SORCS1: variants seen among roughly 807,000 people sequenced by gnomAD.
SORCS1 encodes the protein VPS10 domain-containing receptor SorCS1.
SORCS1 carries 60 observed loss-of-function variants against 146.1 expected under a neutral mutation model. The ratio of observed to expected loss-of-function variants is 0.41; its 90% CI spans 0.33 to 0.51. SORCS1 has a LOEUF of 0.51. Among genes scored for constraint, SORCS1 ranks in the 20% least tolerant of loss-of-function variants. The pLI is 0.21. For missense variants in SORCS1, 1,352 were observed against 1,487.6 expected (o/e 0.91, Z 1.50); for synonymous variants, 637 against 584.0 (o/e 1.09, Z -1.31).
At chr10:107,168,938 A>C (rs182501356), upstream of SORCS1, among the ~76,000 whole-genome samples, 1 of 152,300 alleles carries the variant, frequency 6.6e-6, no homozygotes, top group African/African-American at 2.4e-5. Context: ...AATGCTGAGC[A>C]AGCAATTTTG....
At chr10:107,180,614 T>C in the SORCS1 span, among the ~76,000 whole-genome samples, 1 of 152,208 alleles carries the variant, frequency 6.6e-6, no homozygotes, top group Non-Finnish European at 1.5e-5. Flanking sequence ...ATTTTCTGTT[T>C]TCAACTTCAT....
At chr10:107,032,173 TAAATA>T (rs1348968545) in intron 1 of SORCS1, among the ~76,000 whole-genome samples, 1 of 152,046 alleles carries the variant, frequency 6.6e-6, no homozygotes, top group Non-Finnish European at 1.5e-5. Flanking sequence ...TATATATAAA[TAAATA>T]AAAGACACGT....
At chr10:106,833,779 T>A (rs935448364) in intron 2 of SORCS1, among the ~76,000 whole-genome samples, 16 of 131,918 alleles carry the variant, frequency 1.2e-4, no homozygotes, top group African/African-American at 4.7e-4. Context: ...AATTTCTTTC[T>A]TTTGTTATTA....
chr10:107,036,974 G>A (rs550746012), intron 1 of SORCS1, among the ~76,000 whole-genome samples: 55 of 152,204 alleles, frequency 3.6e-4, no homozygotes, highest in Non-Finnish European at 6.8e-4. Flanking sequence ...GGCTGGGCGC[G>A]GTGGCTCATG....
At chr10:106,865,801 G>A (rs1384629847) in intron 2 of SORCS1, among the ~76,000 whole-genome samples, 2 of 151,888 alleles carry the variant, frequency 1.3e-5, no homozygotes, top group Admixed American at 6.6e-5. Context: ...GGGAGGCCCA[G>A]GCAGGCAGAT....
chr10:107,172,793 C>G, the SORCS1 span, among the ~76,000 whole-genome samples: 1 of 152,162 alleles, frequency 6.6e-6, no homozygotes. Flanking sequence ...TAAGAGAAAA[C>G]TTGAATCAAT....
chr10:106,948,035 T>A (rs1954448993), intron 2 of SORCS1, among the ~76,000 whole-genome samples: 1 of 152,214 alleles, frequency 6.6e-6, no homozygotes. Context: ...GCCCATTTTT[T>A]TCAATGCATT....
At chr10:106,991,219 C>T (rs1276213882) in intron 1 of SORCS1, among the ~76,000 whole-genome samples, 1 of 152,218 alleles carries the variant, frequency 6.6e-6, no homozygotes, top group Non-Finnish European at 1.5e-5. Flanking sequence ...ACACCAGTGC[C>T]TATTCAGCAC....
intron 23 of SORCS1, among the ~76,000 whole-genome samples, chr10:106,604,951 A>C (rs147526259): frequency 6.6e-6 from 1 of 152,350 alleles, no homozygotes; most frequent in Non-Finnish European, 1.5e-5. Flanking sequence ...TCAATTATTC[A>C]ACTTTTCTTG....
chr10:107,023,781 T>C (rs997001638), intron 1 of SORCS1, among the ~76,000 whole-genome samples: 3 of 152,130 alleles, frequency 2.0e-5, no homozygotes, highest in Non-Finnish European at 4.4e-5. Context: ...AGAGAAACTA[T>C]TATAATTCTT....
intron 2 of SORCS1, among the ~76,000 whole-genome samples, chr10:106,925,196 T>G (rs1044766475): frequency 5.4e-5 from 8 of 146,810 alleles, no homozygotes; most frequent in Non-Finnish European, 1.1e-4. Context: ...CTATTGTTTG[T>G]TTTTTTTTTG....
chr10:107,066,752 G>C (rs1961902525), intron 1 of SORCS1, among the ~76,000 whole-genome samples: 1 of 152,160 alleles, frequency 6.6e-6, no homozygotes, highest in South Asian at 2.1e-4. Context: ...AAGATTGAGA[G>C]CTATAAAAGG....
chr10:106,824,725 G>C lies in SORCS1; in HGVS notation c.726+4849C>G, dbSNP rs550280215. 9.9e-5 allele frequency among the ~76,000 whole-genome samples: 15 copies of C among 152,210 alleles called. No individual in the cohort carries two copies. In the South Asian group the frequency reaches 2.7e-3, roughly 27 times the overall value. ...TATTTAGAAAGTGCCACATATAATA[G>C]GGTAATTAAAACTTAAACATCTGGA... On this transcript the variant is annotated intron_variant, in intron 3 of 25. Coordinates refer to ENST00000263054, the MANE Select transcript of SORCS1 (RefSeq NM_052918.5).
chr10:106,639,521 A>G (rs558617165), intron 18 of SORCS1, among the ~76,000 whole-genome samples: 34 of 152,316 alleles, frequency 2.2e-4, no homozygotes, highest in Non-Finnish European at 3.7e-4. Flanking sequence ...GTTGCTAACC[A>G]ATCCAACTTG....
chr10:106,967,926 CG>C (rs1222307655), intron 1 of SORCS1, among the ~76,000 whole-genome samples: 5 of 151,384 alleles, frequency 3.3e-5, no homozygotes, highest in Non-Finnish European at 5.9e-5. Context: ...CAAAAAATGC[CG>C]GGTGTGGTGG....
chr10:107,145,575 A>G (rs1968256371), intron 1 of SORCS1, among the ~76,000 whole-genome samples: 1 of 152,238 alleles, frequency 6.6e-6, no homozygotes, highest in Admixed American at 6.5e-5. Context: ...ATGATTTTGA[A>G]AACAATTGAG....
At chr10:106,598,338 C>A (rs929403848) in intron 23 of SORCS1, among the ~76,000 whole-genome samples, 1 of 151,072 alleles carries the variant, frequency 6.6e-6, no homozygotes, top group Non-Finnish European at 1.5e-5. Flanking sequence ...CTCAGCTCAC[C>A]GCAACCTCCA....
intron 2 of SORCS1, among the ~76,000 whole-genome samples, chr10:106,856,308 G>A (rs557837553): frequency 7.2e-5 from 11 of 152,248 alleles, no homozygotes; most frequent in African/African-American, 2.6e-4. Flanking sequence ...ATTACTACAG[G>A]CGTGAGCCAC....
chr10:106,748,060 G>A (rs1272096043), intron 5 of SORCS1, among the ~76,000 whole-genome samples: 1 of 151,884 alleles, frequency 6.6e-6, no homozygotes, highest in East Asian at 1.9e-4. Context: ...TTAACATCTT[G>A]TACATCAGTA....
Sources: allele counts gnomAD v4.1 joint callset (sites outside exome capture counted in the v4.1 genomes callset), GRCh38; gene constraint gnomAD v4.1.1; transcripts MANE v1.5; gene names NCBI Gene and HGNC (gene_info 2026-07-23, HGNC 2026-07-21).